GRB14: variants seen among roughly 807,000 people sequenced by gnomAD.
GRB14 encodes the protein growth factor receptor bound protein 14.
GRB14 carries 38 observed loss-of-function variants against 69.1 expected under a neutral mutation model. The ratio of observed to expected loss-of-function variants is 0.55; its 90% CI spans 0.42 to 0.72. GRB14 has a LOEUF of 0.72. Among genes scored for constraint, GRB14 ranks in the 30% least tolerant of loss-of-function variants. The pLI, the probability that GRB14 is intolerant of heterozygous loss-of-function variation, is 0.00. For synonymous variants in GRB14, 247 were observed against 241.3 expected (o/e 1.02, Z -0.22); for missense variants, 666 against 666.1 (o/e 1.00, Z 0.00).
At chr2:164,559,204 T>G (rs1688758027) in intron 2 of GRB14, among the ~76,000 whole-genome samples, 2 of 152,206 alleles carry the variant, frequency 1.3e-5, no homozygotes, top group Non-Finnish European at 2.9e-5. Context: ...TCCCATGCAG[T>G]AACAAACACT....
Position 164,525,056 on chromosome 2 carries a change from A to G in GRB14, c.626T>C (p.Val209Ala), listed in dbSNP as rs372417067. 1.3e-6 allele frequency: 2 copies of G among 1,589,032 alleles called. No homozygotes were observed. Among genetic ancestry groups the G allele is most frequent in the Non-Finnish European group, 1.7e-6 (2 of 1,164,140 alleles). Residue 209 changes from valine to alanine, a missense_variant, in exon 5 of 14, where the codon GTA (valine) becomes GCA (alanine). By Grantham distance (64) the Val-to-Ala change is moderately conservative (BLOSUM62 0). Coordinates refer to ENST00000263915, the MANE Select transcript of GRB14 (RefSeq NM_004490.3). ...ACCATTGGTTTCAGTTGCAAAAGAT[A>G]CCATATGCTCTGGAAAAAAATACTG... ...NPMYFFPEHM[V>A]SFATETNGEI...
At position 164,508,870 on chromosome 2, in the gene GRB14, T is replaced by C; in HGVS notation, c.817-18A>G. 1 of 1,480,414 alleles carries C rather than the reference T, an allele frequency of 6.8e-7. No homozygotes were observed. Among genetic ancestry groups the C allele is most frequent in the Non-Finnish European group, 9.2e-7 (1 of 1,088,082 alleles). 91.7% of individuals were successfully genotyped at this position (1,480,414 alleles called of 1,614,324 possible). ...CGCGGTTCCTTAAAAAAAAAAGTAT[T>C]GACATGGATACATATTTTTGCATTA... On this transcript the variant is annotated intron_variant, in intron 6 of 13. Transcript: ENST00000263915.
chr2:164,594,714 T>C (rs1259557787), intron 2 of GRB14, among the ~76,000 whole-genome samples: 1 of 152,222 alleles, frequency 6.6e-6, no homozygotes, highest in Non-Finnish European at 1.5e-5. Flanking sequence ...CTAAACCTCT[T>C]CATAAGTGAT....
intron 2 of GRB14, among the ~76,000 whole-genome samples, chr2:164,614,479 G>A (rs1360484162): frequency 6.6e-6 from 1 of 152,130 alleles, no homozygotes; most frequent in Non-Finnish European, 1.5e-5. Flanking sequence ...GGTTTTAGAC[G>A]ATATCAAGGA....
chr2:164,561,146 G>A (rs1688817875), intron 2 of GRB14, among the ~76,000 whole-genome samples: 1 of 152,048 alleles, frequency 6.6e-6, no homozygotes, highest in Non-Finnish European at 1.5e-5. Flanking sequence ...AGTACAGTGT[G>A]CAAAATCATG....
chr2:164,564,450 C>T (rs1475616034), intron 2 of GRB14, among the ~76,000 whole-genome samples: 1 of 152,128 alleles, frequency 6.6e-6, no homozygotes, highest in African/African-American at 2.4e-5. Flanking sequence ...AGCAATTAGT[C>T]TAATTGTATG....
chr2:164,555,236 A>G (rs1223156161), intron 2 of GRB14, among the ~76,000 whole-genome samples: 2 of 152,212 alleles, frequency 1.3e-5, no homozygotes, highest in African/African-American at 4.8e-5. Flanking sequence ...TCATTCTAGA[A>G]TATTTGAAAT....
chr2:164,559,209 A>G (rs1264235003), intron 2 of GRB14, among the ~76,000 whole-genome samples: 1 of 152,202 alleles, frequency 6.6e-6, no homozygotes, highest in East Asian at 1.9e-4. Flanking sequence ...TGCAGTAACA[A>G]ACACTGGGAA....
At chr2:164,509,790 TG>T (rs1229630913) in intron 6 of GRB14, among the ~76,000 whole-genome samples, 1 of 51,526 alleles carries the variant, frequency 1.9e-5, no homozygotes, top group Admixed American at 2.4e-4. Flanking sequence ...TGAGAAGCAG[TG>T]GAAAAAAAAA....
At chr2:164,571,480 A>G (rs989148481) in intron 2 of GRB14, among the ~76,000 whole-genome samples, 3 of 152,268 alleles carry the variant, frequency 2.0e-5, no homozygotes, top group Admixed American at 6.5e-5. Flanking sequence ...AAAATATTAC[A>G]GAATAGCAGT....
At chr2:164,547,130 A>T (rs1418838332) in intron 3 of GRB14, among the ~76,000 whole-genome samples, 4 of 152,152 alleles carry the variant, frequency 2.6e-5, no homozygotes, top group African/African-American at 9.7e-5. Context: ...ATAAATAACT[A>T]ATCCTTCAGT....
chr2:164,573,880 T>C (rs558727774), intron 2 of GRB14: 3 of 1,612,710 alleles, frequency 1.9e-6, no homozygotes, highest in Non-Finnish European at 2.5e-6. Context: ...CAAGACTGGA[T>C]GCCAAGATTG....
At chr2:164,536,677 A>C (rs780987019) in intron 3 of GRB14, among the ~76,000 whole-genome samples, 2 of 152,216 alleles carry the variant, frequency 1.3e-5, no homozygotes, top group Non-Finnish European at 2.9e-5. Context: ...TACCCACATC[A>C]GTCTTCAAAG....
chr2:164,573,670 A>G lies in GRB14; in HGVS notation c.325-25854T>C, dbSNP rs1689172069. On this transcript the variant is annotated intron_variant, in intron 2 of 13. Coordinates refer to ENST00000263915, the MANE Select transcript of GRB14 (RefSeq NM_004490.3). ...CTTTTCTTTATGGTTCTTCAGTAGAAGCCAGAATCTTGAGTTGCCCAGTTA... is the reference window on the plus strand; with the variant it reads ...CTTTTCTTTATGGTTCTTCAGTAGAGGCCAGAATCTTGAGTTGCCCAGTTA... 4 of 1,585,314 alleles carry G rather than the reference A, an allele frequency of 2.5e-6. No homozygotes were observed. The South Asian group carries it at 4.5e-5, about 18-fold the overall frequency.
chr2:164,610,874 T>TAAA (rs1294119832), intron 2 of GRB14, among the ~76,000 whole-genome samples: 6 of 48,170 alleles, frequency 1.2e-4, no homozygotes, highest in East Asian at 1.0e-3. Context: ...AAAAAAAAAT[T>TAAA]AAAAAAAAAA....
At chr2:164,620,086 C>CCG (rs1690417800) in intron 1 of GRB14, 3 of 243,322 alleles carry the variant, frequency 1.2e-5, no homozygotes, top group African/African-American at 7.8e-5. Context: ...CCTCCCCCCC[C>CCG]CACCGCCTTC....
intron 6 of GRB14, among the ~76,000 whole-genome samples, chr2:164,518,953 T>C (rs1042423671): frequency 1.3e-5 from 2 of 151,834 alleles, no homozygotes; most frequent in African/African-American, 4.8e-5. Flanking sequence ...CAAAGAAGAA[T>C]TGGTACCAAT....
intron 2 of GRB14, among the ~76,000 whole-genome samples, chr2:164,601,223 T>C (rs1689905939): frequency 6.6e-6 from 1 of 152,024 alleles, no homozygotes; most frequent in African/African-American, 2.4e-5. Flanking sequence ...CAAAATCTTA[T>C]AAATTGAAAA....
intron 2 of GRB14, among the ~76,000 whole-genome samples, chr2:164,599,135 G>A (rs1689857663): frequency 6.6e-6 from 1 of 152,146 alleles, no homozygotes; most frequent in South Asian, 2.1e-4. Context: ...GAAAAGATGG[G>A]AGCAGCTGAA....
Sources: allele counts gnomAD v4.1 joint callset (sites outside exome capture counted in the v4.1 genomes callset), GRCh38; gene constraint gnomAD v4.1.1; transcripts MANE v1.5; gene names NCBI Gene and HGNC (gene_info 2026-07-23, HGNC 2026-07-21).